The following ARID1B variants were observed in gnomAD, a reference collection of about 807,000 sequenced individuals.
ARID1B encodes the protein AT-rich interaction domain 1B, also known as AT-rich interactive domain-containing protein 1B.
In ARID1B, 30 loss-of-function variants were observed where a neutral mutation model predicts 212.3. That is an observed-to-expected ratio of 0.14 (90% CI 0.11 to 0.19). The LOEUF is 0.19. Among genes scored for constraint, ARID1B ranks in the 10% least tolerant of loss-of-function variants. The pLI, the probability that ARID1B is intolerant of heterozygous loss-of-function variation, is 1.00. For missense variants in ARID1B, 2,891 were observed against 3,204.0 expected (o/e 0.90, Z 2.36); for synonymous variants, 1,402 against 1,301.7 (o/e 1.08, Z -1.66).
rs922126384 is a variant in ARID1B at position 156,955,171 on chromosome 6, G to A, written c.2247+19595G>A. Among the ~76,000 whole-genome samples, 2 of 152,202 alleles carry A rather than the reference G, an allele frequency of 1.3e-5. No homozygotes were observed. The highest frequency in any genetic ancestry group is 4.8e-5 in the African/African-American group (2 of 41,454). ...GGCTGTTGTTCAAGCTTGCTAACGTGTGTTAGGATCCTGAATCTGGCATCT... is the reference window on the plus strand; with the variant it reads ...GGCTGTTGTTCAAGCTTGCTAACGTATGTTAGGATCCTGAATCTGGCATCT... On this transcript the variant is annotated intron_variant, in intron 4 of 19. Coordinates refer to ENST00000636930, the MANE Select transcript of ARID1B (RefSeq NM_001374828.1). This position sits in a 1 kb window ranked among gnomAD's most constrained non-coding sequence, Gnocchi z 4.2.
intron 2 of ARID1B, among the ~76,000 whole-genome samples, chr6:156,878,893 T>C (rs1316472997): frequency 2.6e-5 from 4 of 152,234 alleles, no homozygotes. Flanking sequence ...ATTGACCATT[T>C]AGGAAGTGTT....
intron 11 of ARID1B, 87 bp downstream of exon 11, chr6:157,175,092 G>C (rs1792008531): frequency 6.3e-6 from 7 of 1,104,204 alleles, no homozygotes; most frequent in Non-Finnish European, 8.3e-6. Flanking sequence ...TTGAATGCTT[G>C]CTTGTTTATT....
Position 157,200,839 on chromosome 6 carries a change from C to T in ARID1B, c.4614C>T (p.Asp1538=). 1 of 1,614,074 alleles carries T rather than the reference C, an allele frequency of 6.2e-7. No individual in the cohort carries two copies. The highest frequency in any genetic ancestry group is 8.5e-7 in the Non-Finnish European group (1 of 1,180,030). Residue 1538 remains aspartate (D), a synonymous_variant, in exon 18 of 20, where the codon GAC becomes GAT. Coordinates refer to ENST00000636930, the MANE Select transcript of ARID1B (RefSeq NM_001374828.1). This position sits in a 1 kb window ranked among gnomAD's most constrained non-coding sequence, Gnocchi z 4.3. ...NQYGGSYSGP[D]RRPIQGQYPY... is the part of the protein sequence containing the mutation. The stretch of plus-strand genomic sequence containing the variant: ...ATGGAGGCTCCTACTCGGGCCCGGA[C>T]CGCAGGCCCATCCAGGGCCAGTACC...
intron 3 of ARID1B, among the ~76,000 whole-genome samples, chr6:156,933,506 G>A (rs1209690766): frequency 6.6e-6 from 1 of 152,202 alleles, no homozygotes. Context: ...TGGTGTTTGA[G>A]GGGGAAGGTG....
intron 5 of ARID1B, among the ~76,000 whole-genome samples, chr6:157,104,633 G>T (rs1200720699): frequency 4.6e-5 from 7 of 152,184 alleles, no homozygotes. Context: ...TAATGGTGAA[G>T]AGAATCCCAT....
chr6:157,033,439 T>A (rs900653983), intron 4 of ARID1B, among the ~76,000 whole-genome samples: 1 of 152,260 alleles, frequency 6.6e-6, no homozygotes, highest in African/African-American at 2.4e-5. Context: ...ATTTTGACGA[T>A]AATGCTGCTA....
intron 3 of ARID1B, among the ~76,000 whole-genome samples, chr6:156,930,929 G>A (rs761284157): frequency 5.9e-5 from 9 of 152,168 alleles, no homozygotes; most frequent in Admixed American, 2.6e-4. Context: ...AGTGGCTTAT[G>A]CCTGTAATCC....
At chr6:157,186,256 T>C (rs1792967063) in intron 13 of ARID1B, 3 of 344,716 alleles carry the variant, frequency 8.7e-6, no homozygotes, top group South Asian at 6.8e-5. Context: ...CGTTCCCTTT[T>C]CCCCTTTTTT....
intron 2 of ARID1B, among the ~76,000 whole-genome samples, chr6:156,858,172 A>G (rs563600428): frequency 1.3e-5 from 2 of 152,184 alleles, no homozygotes; most frequent in Admixed American, 1.3e-4. Context: ...GAGCTAAAAA[A>G]AAAAAGTGAA....
chr6:156,921,785 T>C (rs59729492), intron 3 of ARID1B, among the ~76,000 whole-genome samples: 1 of 152,350 alleles, frequency 6.6e-6, no homozygotes, highest in South Asian at 2.1e-4. Context: ...AAAGCATTAT[T>C]GATACAATGC....
chr6:157,054,864 T>C (rs1485555821), intron 4 of ARID1B, among the ~76,000 whole-genome samples: 1 of 152,250 alleles, frequency 6.6e-6, no homozygotes, highest in Non-Finnish European at 1.5e-5. Flanking sequence ...GGTTCACCGC[T>C]GTCTCAGCCG....
intron 15 of ARID1B, chr6:157,195,128 AC>A (rs1283901384): frequency 1.3e-5 from 2 of 152,210 alleles, no homozygotes; most frequent in African/African-American, 4.8e-5. Flanking sequence ...GTTACCACAA[AC>A]TTAGCAGCTT....
At chr6:157,046,581 A>G (rs1443374189) in intron 4 of ARID1B, among the ~76,000 whole-genome samples, 2 of 152,170 alleles carry the variant, frequency 1.3e-5, no homozygotes, top group Non-Finnish European at 2.9e-5. Flanking sequence ...CATTGGAAGT[A>G]CAAGTGTTTT....
At chr6:157,012,956 C>T (rs1004727915) in intron 4 of ARID1B, among the ~76,000 whole-genome samples, 5 of 152,106 alleles carry the variant, frequency 3.3e-5, no homozygotes, top group African/African-American at 7.2e-5. Flanking sequence ...CTCGGCTCAC[C>T]GCAACCTCTG....
chr6:156,845,090 A>AACT (rs60062042), intron 2 of ARID1B, among the ~76,000 whole-genome samples: 97,995 of 152,036 alleles, frequency 0.64, 31,972 homozygotes, highest in African/African-American at 0.7. Context: ...AATTTAGGAG[A>AACT]CATCTTCAGC....
chr6:156,917,391 C>A (rs1381316674), intron 3 of ARID1B, among the ~76,000 whole-genome samples: 1 of 152,106 alleles, frequency 6.6e-6, no homozygotes, highest in Non-Finnish European at 1.5e-5. Context: ...TTGAGTCAGA[C>A]GTTGTTGCTG....
intron 8 of ARID1B, among the ~76,000 whole-genome samples, chr6:157,164,174 A>T (rs1411713709): frequency 1.3e-5 from 2 of 152,240 alleles, no homozygotes; most frequent in Non-Finnish European, 2.9e-5. Context: ...CCAGAGCTCC[A>T]GTGACAGAGT....
chr6:156,807,415 T>TC (rs1285757883), intron 1 of ARID1B, among the ~76,000 whole-genome samples: 5 of 151,268 alleles, frequency 3.3e-5, no homozygotes, highest in East Asian at 1.9e-4. Context: ...TTCTTTAATT[T>TC]CCCCCCACTA....
chr6:157,114,177 G>A (rs2128527634), intron 6 of ARID1B, among the ~76,000 whole-genome samples: 1 of 152,270 alleles, frequency 6.6e-6, no homozygotes, highest in African/African-American at 2.4e-5. Flanking sequence ...TTAGGGAAGT[G>A]CTGAAAGAAA....
Sources: allele counts gnomAD v4.1 joint callset (sites outside exome capture counted in the v4.1 genomes callset), GRCh38; gene constraint gnomAD v4.1.1; non-coding constraint Gnocchi (gnomAD v3.1); transcripts MANE v1.5; gene names NCBI Gene and HGNC (gene_info 2026-07-23, HGNC 2026-07-21).